Variants in DSG1 observed in about 807,000 individuals in gnomAD.
DSG1 encodes desmoglein 1, also known as desmoglein-1.
Under a neutral mutation model 97.5 loss-of-function variants are expected in DSG1, and 39 were observed. The observed-to-expected ratio is 0.40, with a 90% confidence interval of 0.31 to 0.52. The LOEUF (loss-of-function observed/expected upper bound fraction) is 0.52. Ranked by LOEUF, DSG1 falls within the 20% of genes least tolerant of loss-of-function variation. DSG1 has a pLI of 0.53. For missense variants in DSG1, 1,311 were observed against 1,295.4 expected, an observed-to-expected ratio of 1.01 and a Z score of -0.18; for synonymous variants, 475 against 443.4, an observed-to-expected ratio of 1.07 and a Z score of -0.90.
At chr18:31,351,289 T>C (rs1165493984) in intron 14 of DSG1, among the ~76,000 whole-genome samples, 1 of 150,400 alleles carries the variant, frequency 6.6e-6, no homozygotes, top group Admixed American at 6.6e-5. Context: ...TTAAGTGAGA[T>C]TCTTAATCCT....
At chr18:31,340,381 C>T (rs1292612238) in intron 11 of DSG1, among the ~76,000 whole-genome samples, 1 of 151,398 alleles carries the variant, frequency 6.6e-6, no homozygotes, top group Non-Finnish European at 1.5e-5. Flanking sequence ...CCAAGGCTGG[C>T]AGATCACTTG....
intron 6 of DSG1, among the ~76,000 whole-genome samples, chr18:31,332,577 A>C (rs1171665343): frequency 4.6e-5 from 7 of 152,146 alleles, no homozygotes; most frequent in Admixed American, 4.6e-4. Context: ...ATTATTTAAA[A>C]AAAATTGTCT....
At chr18:31,354,042 G>A in intron 14 of DSG1, 1 of 461,958 alleles carries the variant, frequency 2.2e-6, no homozygotes, top group Non-Finnish European at 3.9e-6. Context: ...TATGTCCAAA[G>A]TACACAATTA....
intron 9 of DSG1, among the ~76,000 whole-genome samples, chr18:31,336,929 A>G (rs1298148249): frequency 6.6e-6 from 1 of 152,228 alleles, no homozygotes. Flanking sequence ...TTCGTCTCTC[A>G]GAAGAGTTTA....
At chr18:31,334,888 A>G (rs534232299) in intron 8 of DSG1, among the ~76,000 whole-genome samples, 1 of 152,322 alleles carries the variant, frequency 6.6e-6, no homozygotes, top group East Asian at 1.9e-4. Flanking sequence ...GGGAGCTGAT[A>G]GTCAAAGTTT....
rs1180749544 is a variant in DSG1, at chr18:31,318,830, G to A, written c.48+482G>A. On this transcript the variant is annotated intron_variant, in intron 1 of 14. Coordinates refer to ENST00000257192, the MANE Select transcript of DSG1 (RefSeq NM_001942.4). ...ATCGTAGCAGTTTGTGGCTGGTCTC[G>A]CTATCCAAATAAAGTCATCAGTTGC... Among the ~76,000 whole-genome samples, 7 of 151,740 alleles carry A rather than the reference G, an allele frequency of 4.6e-5. No homozygotes were observed. In the East Asian group the frequency reaches 9.7e-4, roughly 21 times the overall value.
intron 14 of DSG1, among the ~76,000 whole-genome samples, chr18:31,347,302 C>A (rs2071847625): frequency 6.6e-6 from 1 of 152,136 alleles, no homozygotes; most frequent in Non-Finnish European, 1.5e-5. Context: ...ATCTTCCTTC[C>A]AATCTCTGAT....
chr18:31,340,219 G>T (rs2071780407), intron 11 of DSG1, among the ~76,000 whole-genome samples, 194 bp downstream of exon 11: 1 of 151,958 alleles, frequency 6.6e-6, no homozygotes, highest in South Asian at 2.1e-4. Flanking sequence ...GACTGTGGAG[G>T]ATAAAAATTT....
chr18:31,345,962 ATAAAT>A (rs1208886607), intron 13 of DSG1, 23 bp from the exon 14 acceptor site: 3 of 1,591,596 alleles, frequency 1.9e-6, no homozygotes, highest in Non-Finnish European at 2.6e-6. Flanking sequence ...ACTAAAGAAA[ATAAAT>A]TTAATTTGAT....
intron 9 of DSG1, 130 bp from the exon 10 acceptor site, chr18:31,338,185 A>G (rs1368980201): frequency 1.0e-6 from 1 of 977,934 alleles, no homozygotes; most frequent in Non-Finnish European, 1.5e-6. Flanking sequence ...GAAAAAAAAT[A>G]AAGTCTCTAG....
intron 11 of DSG1, 184 bp from the exon 12 acceptor site, chr18:31,343,266 T>C: frequency 2.6e-6 from 2 of 780,596 alleles, no homozygotes; most frequent in Non-Finnish European, 2.1e-6. Flanking sequence ...TGCAGTCTAA[T>C]ATACAGAAGC....
intron 14 of DSG1, among the ~76,000 whole-genome samples, chr18:31,349,416 T>A (rs1160841700): frequency 6.6e-6 from 1 of 151,012 alleles, no homozygotes; most frequent in Non-Finnish European, 1.5e-5. Flanking sequence ...TCCAGCTTTG[T>A]TCTTTTGGCT....
At chr18:31,325,910 G>A (rs1415642078) in intron 1 of DSG1, among the ~76,000 whole-genome samples, 1 of 152,044 alleles carries the variant, frequency 6.6e-6, no homozygotes, top group African/African-American at 2.4e-5. Flanking sequence ...GTGACCACAT[G>A]TATTTGTTGT....
intron 1 of DSG1, 145 bp downstream of exon 1, chr18:31,318,493 T>C: frequency 1.3e-6 from 1 of 746,094 alleles, no homozygotes; most frequent in Non-Finnish European, 2.4e-6. Flanking sequence ...TGAACTAGAT[T>C]TTTCAATAGC....
intron 8 of DSG1, among the ~76,000 whole-genome samples, chr18:31,335,990 C>T (rs1275025410): frequency 1.3e-5 from 2 of 151,806 alleles, no homozygotes; most frequent in Non-Finnish European, 2.9e-5. Context: ...TAATAAATAG[C>T]TACTTTCTGA....
chr18:31,350,906 TTTCAAAA>T (rs2071890291), intron 14 of DSG1, among the ~76,000 whole-genome samples: 1 of 150,790 alleles, frequency 6.6e-6, no homozygotes, highest in East Asian at 1.9e-4. Flanking sequence ...TTGTTGACCC[TTTCAAAA>T]AACCAGTTCC....
At chr18:31,335,777 T>A (rs1284982525) in intron 8 of DSG1, among the ~76,000 whole-genome samples, 2 of 151,318 alleles carry the variant, frequency 1.3e-5, no homozygotes, top group South Asian at 2.1e-4. Flanking sequence ...ATAAAGAAAA[T>A]CACTACTTTA....
chr18:31,340,509 G>A (rs1166171149), intron 11 of DSG1, among the ~76,000 whole-genome samples: 1 of 150,836 alleles, frequency 6.6e-6, no homozygotes, highest in Non-Finnish European at 1.5e-5. Context: ...TAAAGAGGCC[G>A]AGGCAGGAGA....
chr18:31,342,573 G>A (rs1278248363), intron 11 of DSG1, among the ~76,000 whole-genome samples: 1 of 152,026 alleles, frequency 6.6e-6, no homozygotes, highest in East Asian at 1.9e-4. Flanking sequence ...ATAATAAATA[G>A]ATAAATAAGA....
Sources: allele counts gnomAD v4.1 joint callset (sites outside exome capture counted in the v4.1 genomes callset), GRCh38; gene constraint gnomAD v4.1.1; transcripts MANE v1.5; gene names NCBI Gene and HGNC (gene_info 2026-07-23, HGNC 2026-07-21).